TNFSF12: variants seen among roughly 807,000 people sequenced by gnomAD.
The protein encoded by TNFSF12 is tumor necrosis factor ligand superfamily member 12.
TNFSF12 carries 16 observed loss-of-function variants against 31.2 expected under a neutral mutation model. The observed-to-expected ratio is 0.51, with a 90% confidence interval of 0.35 to 0.78. TNFSF12 has a LOEUF of 0.78. Among genes scored for constraint, TNFSF12 ranks in the 30% least tolerant of loss-of-function variants. The probability of loss-of-function intolerance (pLI) is 0.01; values close to 1 mark genes in which losing one functional copy is unlikely to be tolerated. For missense variants in TNFSF12, 324 were observed against 338.8 expected, an observed-to-expected ratio of 0.96 and a Z score of 0.34; for synonymous variants, 150 against 151.4, an observed-to-expected ratio of 0.99 and a Z score of 0.07.
rs1199497356 is a variant in TNFSF12, at chr17:7,550,535, C to T, written c.284-264C>T. 6.6e-6 allele frequency among the ~76,000 whole-genome samples: 1 copy of T among 151,196 alleles called. No individual in the cohort carries two copies. The highest frequency in any genetic ancestry group is 6.6e-5 in the Admixed American group (1 of 15,120). On this transcript the variant is annotated intron_variant, in intron 3 of 6. Coordinates refer to ENST00000293825, the MANE Select transcript of TNFSF12 (RefSeq NM_003809.3). The surrounding 1 kb of genome is among the most constrained non-coding windows in gnomAD (Gnocchi z 4.4). The stretch of plus-strand genomic sequence containing the variant: ...TGGCCGGATGACCACGTGTCCAAGT[C>T]GGCATGCAGTTGTCCTGGCCCCCAC...
chr17:7,557,275 G>A lies in TNFSF12; in HGVS notation c.675G>A (p.Arg225=). 9 of 1,613,788 alleles carry A rather than the reference G, an allele frequency of 5.6e-6. No individual in the cohort carries two copies. Among genetic ancestry groups the A allele is most frequent in the Non-Finnish European group, 7.6e-6 (9 of 1,179,932 alleles). ...LLALRPGSSL[R]IRTLPWAHLK... is the part of the protein sequence containing the mutation. ...CCCTGCGGCCAGGGTCCTCCCTGCG[G>A]ATCCGCACCCTCCCCTGGGCCCATC... The change falls in exon 7 of 7, where the codon CGG becomes CGA. Residue 225 remains arginine (R), a synonymous_variant. Coordinates refer to ENST00000293825, the MANE Select transcript of TNFSF12 (RefSeq NM_003809.3). This position sits in a 1 kb window ranked among gnomAD's most constrained non-coding sequence, Gnocchi z 5.2.
In TNFSF12 at chr17:7,550,060, C is replaced by T. The variant is rs576265051; in HGVS notation, c.208-60C>T. Reference sequence around the variant, plus strand: ...GGCTGGTGGCTCTCCTGACAGGCCCCGTATGTCTCACTTTATATCTCTGGG... The same window carrying T: ...GGCTGGTGGCTCTCCTGACAGGCCCTGTATGTCTCACTTTATATCTCTGGG... On this transcript the variant is annotated intron_variant, in intron 2 of 6. Coordinates refer to ENST00000293825, the MANE Select transcript of TNFSF12 (RefSeq NM_003809.3). This position sits in a 1 kb window ranked among gnomAD's most constrained non-coding sequence, Gnocchi z 4.4. The T allele has an allele frequency of 1.0e-4, 162 of 1,612,994 alleles. No homozygotes were observed. Among genetic ancestry groups the T allele is most frequent in the East Asian group, 2.2e-4 (10 of 44,886 alleles).
intron 5 of TNFSF12, among the ~76,000 whole-genome samples, chr17:7,555,448 G>A (rs2071050088): frequency 6.6e-6 from 1 of 152,210 alleles, no homozygotes; most frequent in African/African-American, 2.4e-5. Flanking sequence ...GGAGCGAGAT[G>A]GGGATGAGGC....
chr17:7,554,073 C>T (rs2071030301), intron 5 of TNFSF12, among the ~76,000 whole-genome samples: 1 of 152,198 alleles, frequency 6.6e-6, no homozygotes, highest in Non-Finnish European at 1.5e-5. Context: ...CCTGGGCACA[C>T]CATGCCCTTA....
At position 7,550,910 on chromosome 17, in the gene TNFSF12, C is replaced by T. The variant is rs1326688886; in HGVS notation, c.338-33C>T. The T allele has an allele frequency of 1.2e-6, 2 of 1,614,056 alleles. No homozygotes were observed. The highest frequency in any genetic ancestry group is 1.7e-6 in the Non-Finnish European group (2 of 1,179,966). Reference sequence around the variant, plus strand: ...AGGGGCAGGTGGCAGAGGGTCAGGGCAGGTCTCACCAGCCTTTTCCTGTAC... The same window carrying T: ...AGGGGCAGGTGGCAGAGGGTCAGGGTAGGTCTCACCAGCCTTTTCCTGTAC... On this transcript the variant is annotated intron_variant, in intron 4 of 6. Coordinates refer to ENST00000293825, the MANE Select transcript of TNFSF12 (RefSeq NM_003809.3). The surrounding 1 kb of genome is among the most constrained non-coding windows in gnomAD (Gnocchi z 4.4).
rs1211895217 is a variant in TNFSF12 at position 7,550,095 on chromosome 17, T to C, written c.208-25T>C. The C allele has an allele frequency of 6.2e-7, 1 of 1,613,940 alleles. No individual in the cohort carries two copies. Among genetic ancestry groups the C allele is most frequent in the Non-Finnish European group, 8.5e-7 (1 of 1,179,960 alleles). ...ACTTTATATCTCTGGGAGTCTGTGG[T>C]TGAACCCTGCCCTAATTCCCCTAGG... On this transcript the variant is annotated intron_variant, in intron 2 of 6. Coordinates refer to ENST00000293825, the MANE Select transcript of TNFSF12 (RefSeq NM_003809.3). This position sits in a 1 kb window ranked among gnomAD's most constrained non-coding sequence, Gnocchi z 4.4.
At position 7,550,077 on chromosome 17, in the gene TNFSF12, A is replaced by G; in HGVS notation, c.208-43A>G. ...ACAGGCCCCGTATGTCTCACTTTAT[A>G]TCTCTGGGAGTCTGTGGTTGAACCC... On this transcript the variant is annotated intron_variant, in intron 2 of 6. Transcript: ENST00000293825. The surrounding 1 kb of genome is among the most constrained non-coding windows in gnomAD (Gnocchi z 4.4). 6.2e-7 allele frequency: 1 copy of G among 1,613,840 alleles called. No homozygotes were observed. The highest frequency in any genetic ancestry group is 8.5e-7 in the Non-Finnish European group (1 of 1,179,920).
At chr17:7,555,397 G>A (rs1043359273) in intron 5 of TNFSF12, among the ~76,000 whole-genome samples, 1 of 152,170 alleles carries the variant, frequency 6.6e-6, no homozygotes, top group African/African-American at 2.4e-5. Flanking sequence ...ATGAGGCTGG[G>A]GGACTCTAAG....
Position 7,557,290 on chromosome 17 carries a change from C to G in TNFSF12, c.690C>G (p.Pro230=), listed in dbSNP as rs1237382978. Residue 230 remains proline, a synonymous_variant, in exon 7 of 7, where the codon CCC becomes CCG. Transcript: ENST00000293825. The surrounding 1 kb of genome is among the most constrained non-coding windows in gnomAD (Gnocchi z 5.2). ...CCTCCCTGCGGATCCGCACCCTCCCCTGGGCCCATCTCAAGGCTGCCCCCT... is the reference window on the plus strand; with the variant it reads ...CCTCCCTGCGGATCCGCACCCTCCCGTGGGCCCATCTCAAGGCTGCCCCCT... The part of the protein sequence containing the change: ...PGSSLRIRTL[P]WAHLKAAPFL... 17 of 1,613,450 alleles carry G rather than the reference C, an allele frequency of 1.1e-5. No homozygotes were observed. In the Admixed American group the frequency reaches 2.8e-4, roughly 27 times the overall value.
Position 7,549,539 on chromosome 17 carries a change from C to T in TNFSF12, c.207+18C>T, listed in dbSNP as rs769757755. The T allele has an allele frequency of 1.2e-5, 19 of 1,540,028 alleles. No homozygotes were observed. Among genetic ancestry groups the T allele is most frequent in the Middle Eastern group, 1.7e-4 (1 of 5,842 alleles). On this transcript the variant is annotated intron_variant, in intron 2 of 6. Coordinates refer to ENST00000293825, the MANE Select transcript of TNFSF12 (RefSeq NM_003809.3). This position sits in a 1 kb window ranked among gnomAD's most constrained non-coding sequence, Gnocchi z 4.1. ...ACCCGTCGGTGAGTGGGCGTGGGCG[C>T]GGTCTGCAGGCTGCTGGGGCATGGG...
At position 7,550,158 on chromosome 17, in the gene TNFSF12, G is replaced by A. The variant is rs2070984406; in HGVS notation, c.246G>A (p.Ala82=). 3.7e-6 allele frequency: 6 copies of A among 1,614,082 alleles called. No individual in the cohort carries two copies. The highest frequency in any genetic ancestry group is 3.3e-5 in the South Asian group (3 of 91,078). ...NPQTEESQDP[A]PFLNRLVRPR... ...AGACAGAAGAAAGCCAGGATCCTGCGCCTTTCCTGAACCGACTAGTTCGGC... is the reference window on the plus strand; with the variant it reads ...AGACAGAAGAAAGCCAGGATCCTGCACCTTTCCTGAACCGACTAGTTCGGC... The change falls in exon 3 of 7, where the codon GCG becomes GCA. Residue 82 remains alanine (A), a synonymous_variant. Transcript: ENST00000293825. The surrounding 1 kb of genome is among the most constrained non-coding windows in gnomAD (Gnocchi z 4.4).
chr17:7,556,525 T>C (rs1349660404), intron 5 of TNFSF12, among the ~76,000 whole-genome samples: 1 of 152,254 alleles, frequency 6.6e-6, no homozygotes, highest in Non-Finnish European at 1.5e-5. Flanking sequence ...CCTTCAGTTC[T>C]ACTCTTCTCC....
At chr17:7,552,743 G>A (rs1181278991) in intron 5 of TNFSF12, among the ~76,000 whole-genome samples, 1 of 152,156 alleles carries the variant, frequency 6.6e-6, no homozygotes, top group African/African-American at 2.4e-5. Flanking sequence ...GGGAAAACCA[G>A]CAGAGACTGA....
Position 7,549,615 on chromosome 17 carries a change from C to T in TNFSF12, c.207+94C>T, listed in dbSNP as rs2070977089. On this transcript the variant is annotated intron_variant, in intron 2 of 6. Transcript: ENST00000293825. The surrounding 1 kb of genome is among the most constrained non-coding windows in gnomAD (Gnocchi z 4.1). ...TGTGTGCAGCTGTGCCAGCCGTACT[C>T]GAGGTGTGTGCAGGGTGTGTGTGAA... is the stretch of plus-strand genomic sequence containing the variant. The T allele has an allele frequency of 2.1e-6, 3 of 1,436,584 alleles. No homozygotes were observed. The highest frequency in any genetic ancestry group is 2.9e-5 in the South Asian group (2 of 69,698). The allele number at this position is 1,436,584 out of a possible 1,614,324, so 89.0% of individuals were successfully genotyped here. A position where few individuals can be genotyped will look rare whatever the true frequency, so the allele number is the denominator to read the frequency against.
Position 7,549,663 on chromosome 17 carries a change from G to C in TNFSF12, c.207+142G>C. 7.8e-7 allele frequency: 1 copy of C among 1,286,352 alleles called. No individual in the cohort carries two copies. The highest frequency in any genetic ancestry group is 1.0e-6 in the Non-Finnish European group (1 of 970,718). The allele number at this position is 1,286,352 out of a possible 1,614,324, so 79.7% of individuals were successfully genotyped here. On this transcript the variant is annotated intron_variant, in intron 2 of 6. Transcript: ENST00000293825. This position sits in a 1 kb window ranked among gnomAD's most constrained non-coding sequence, Gnocchi z 4.1. Reference sequence around the variant, plus strand: ...GAACACAGTGCGTGCATGGGTGCGTGTCTGCAGGGGTGTGTGTGCGTGGTG... The same window carrying C: ...GAACACAGTGCGTGCATGGGTGCGTCTCTGCAGGGGTGTGTGTGCGTGGTG...
At position 7,549,656 on chromosome 17, in the gene TNFSF12, GGTGC is replaced by G; in HGVS notation, c.207+139_207+142del. 7.4e-7 allele frequency: 1 copy of G among 1,355,814 alleles called. No homozygotes were observed. Among genetic ancestry groups the G allele is most frequent in the East Asian group, 2.6e-5 (1 of 39,072 alleles). The allele number at this position is 1,355,814 out of a possible 1,614,324, so 84.0% of individuals were successfully genotyped here. On this transcript the variant is annotated intron_variant, in intron 2 of 6. Transcript: ENST00000293825. The surrounding 1 kb of genome is among the most constrained non-coding windows in gnomAD (Gnocchi z 4.1). ...TGTGTGTGAACACAGTGCGTGCATG[GGTGC>G]GTGTCTGCAGGGGTGTGTGTGCGTG... is the stretch of plus-strand genomic sequence containing the variant.
rs2071076505 is a variant in TNFSF12, at chr17:7,556,916, G to A, written c.498+14G>A. 1.3e-6 allele frequency: 2 copies of A among 1,524,090 alleles called. No homozygotes were observed. The highest frequency in any genetic ancestry group is 2.6e-5 in the South Asian group (2 of 77,160). 94.4% of individuals were successfully genotyped at this position (1,524,090 alleles called of 1,614,324 possible). On this transcript the variant is annotated intron_variant, in intron 6 of 6. Coordinates refer to ENST00000293825, the MANE Select transcript of TNFSF12 (RefSeq NM_003809.3). Reference sequence around the variant, plus strand: ...CTGTACTGTCAGGTAAGCCCCATCTGGCTGCATGGGTAACGCAGTAAGAGA... The same window carrying A: ...CTGTACTGTCAGGTAAGCCCCATCTAGCTGCATGGGTAACGCAGTAAGAGA...
At chr17:7,552,917 T>C (rs147844522) in intron 5 of TNFSF12, among the ~76,000 whole-genome samples, 1 of 151,914 alleles carries the variant, frequency 6.6e-6, no homozygotes. Context: ...GTGAAAGTCC[T>C]GCTGACCTTA....
intron 5 of TNFSF12, 82 bp downstream of exon 5, chr17:7,551,060 G>T: frequency 1.9e-6 from 3 of 1,601,736 alleles, no homozygotes; most frequent in Non-Finnish European, 2.6e-6. Flanking sequence ...TCCCTTCCCG[G>T]CCATCAGTCT....
Sources: gnomAD v4.1 joint callset for allele counts (sites outside exome capture counted in the v4.1 genomes callset) on GRCh38, gnomAD v4.1.1 for gene constraint, Gnocchi (gnomAD v3.1) non-coding constraint, MANE v1.5 for transcripts, NCBI Gene and HGNC (gene_info 2026-07-23, HGNC 2026-07-21) for gene names.